AP2B1: variants seen among roughly 807,000 people sequenced by gnomAD.
AP2B1 encodes the protein AP-2 complex subunit beta.
A neutral mutation model predicts 102.0 loss-of-function variants in AP2B1; 23 were observed. That is an observed-to-expected ratio of 0.23 (90% confidence interval 0.16 to 0.32). The LOEUF (loss-of-function observed/expected upper bound fraction) is 0.32, where lower values mean the gene tolerates loss of function less well. Ranked by LOEUF, AP2B1 falls within the 10% of genes least tolerant of loss-of-function variation. The pLI is 1.00. For synonymous variants in AP2B1, 381 were observed against 421.2 expected, an observed-to-expected ratio of 0.90 and a Z score of 1.17; for missense variants, 541 against 1,157.4, an observed-to-expected ratio of 0.47 and a Z score of 7.73.
chr17:35,708,660 A>C (rs1024499955), intron 18 of AP2B1, among the ~76,000 whole-genome samples: 1 of 152,216 alleles, frequency 6.6e-6, no homozygotes, highest in African/African-American at 2.4e-5. Context: ...TTTAAAACTG[A>C]TATTTAAAAA....
chr17:35,707,390 ATCTGCCTGCCTTGGCC>A (rs1407433689), intron 18 of AP2B1, among the ~76,000 whole-genome samples: 1 of 149,902 alleles, frequency 6.7e-6, no homozygotes. Context: ...TGACCTCGTG[ATCTGCCTGCCTTGGCC>A]TCCCAAAGTG....
At chr17:35,658,263 C>CT (rs142619885) in intron 14 of AP2B1, among the ~76,000 whole-genome samples, 3,104 of 130,294 alleles carry the variant, frequency 0.024, 110 homozygotes, top group African/African-American at 0.082. Flanking sequence ...TTGAGGCAGC[C>CT]TTTTTTTTTC....
At chr17:35,702,229 T>C (rs1158144642) in intron 18 of AP2B1, among the ~76,000 whole-genome samples, 2 of 152,190 alleles carry the variant, frequency 1.3e-5, no homozygotes, top group Admixed American at 6.5e-5. Flanking sequence ...TGGAAAAATA[T>C]AAACTGGAGT....
chr17:35,718,258 A>C (rs1037513990), intron 21 of AP2B1, among the ~76,000 whole-genome samples: 2 of 151,826 alleles, frequency 1.3e-5, no homozygotes, highest in Admixed American at 1.3e-4. Context: ...TCCAGAACTG[A>C]AAATTCTTGG....
chr17:35,720,573 A>ATATATTT (rs1324333805), intron 21 of AP2B1, among the ~76,000 whole-genome samples: 26 of 28,064 alleles, frequency 9.3e-4, no homozygotes, highest in East Asian at 2.5e-3. Flanking sequence ...ATATATATAT[A>ATATATTT]TTTTTTTTTT....
chr17:35,702,916 T>C (rs1407249715), intron 18 of AP2B1, among the ~76,000 whole-genome samples: 2 of 152,238 alleles, frequency 1.3e-5, no homozygotes, highest in Non-Finnish European at 2.9e-5. Context: ...ACAACACTTA[T>C]ACACTATTGA....
chr17:35,672,568 C>A (rs1426737425), intron 16 of AP2B1, among the ~76,000 whole-genome samples: 1 of 152,148 alleles, frequency 6.6e-6, no homozygotes, highest in Non-Finnish European at 1.5e-5. Context: ...ATGGGGGATC[C>A]CTGCTATAGA....
chr17:35,619,305 T>C (rs913795241), intron 5 of AP2B1, among the ~76,000 whole-genome samples: 1 of 152,214 alleles, frequency 6.6e-6, no homozygotes, highest in Non-Finnish European at 1.5e-5. Flanking sequence ...TCTGTAAAAC[T>C]CATTCTATTA....
At chr17:35,682,917 G>A in intron 18 of AP2B1, 93 bp downstream of exon 18, 1 of 1,254,776 alleles carries the variant, frequency 8.0e-7, no homozygotes, top group Non-Finnish European at 1.1e-6. Flanking sequence ...TTACTCTGTT[G>A]CCCAGGCTGG....
At chr17:35,601,681 CTG>C (rs2073489381) in intron 3 of AP2B1, among the ~76,000 whole-genome samples, 1 of 152,162 alleles carries the variant, frequency 6.6e-6, no homozygotes, top group Non-Finnish European at 1.5e-5. Context: ...AGTTGCCTAT[CTG>C]TGATCTGTCT....
chr17:35,724,997 A>T lies in AP2B1; in HGVS notation c.*1298A>T, dbSNP rs1381149845. On this transcript the variant is annotated 3_prime_UTR_variant, in exon 22 of 22. Coordinates refer to ENST00000610402, the MANE Select transcript of AP2B1 (RefSeq NM_001030006.2). ...TGAGGCCAGCAGAATAGGTGCAGAGATGAAGTGAGCTTAGAGATGTTGCAA... is the reference window on the plus strand; with the variant it reads ...TGAGGCCAGCAGAATAGGTGCAGAGTTGAAGTGAGCTTAGAGATGTTGCAA... 1 of 152,172 alleles carries T rather than the reference A, an allele frequency of 6.6e-6. No homozygotes were observed. The highest frequency in any genetic ancestry group is 6.5e-5 in the Admixed American group (1 of 15,280). The allele number at this position is 152,172 out of a possible 1,614,324, so 9.4% of individuals were successfully genotyped here. A position where few individuals can be genotyped will look rare whatever the true frequency, so the allele number is the denominator to read the frequency against.
At chr17:35,714,994 A>G (rs1033174913) in intron 20 of AP2B1, among the ~76,000 whole-genome samples, 24 of 152,236 alleles carry the variant, frequency 1.6e-4, no homozygotes, top group African/African-American at 5.5e-4. Flanking sequence ...TCAGACCAGG[A>G]AGCCTCCTTA....
At chr17:35,610,408 A>G (rs539496355) in intron 5 of AP2B1, among the ~76,000 whole-genome samples, 1 of 152,092 alleles carries the variant, frequency 6.6e-6, no homozygotes, top group Admixed American at 6.5e-5. Flanking sequence ...TGACCTCCCA[A>G]AGTGCTGGGA....
At chr17:35,640,889 G>T (rs1436023284) in intron 11 of AP2B1, among the ~76,000 whole-genome samples, 2 of 152,174 alleles carry the variant, frequency 1.3e-5, no homozygotes, top group Non-Finnish European at 2.9e-5. Flanking sequence ...CTGTGGTGAG[G>T]TTTGAAAAGA....
intron 18 of AP2B1, among the ~76,000 whole-genome samples, chr17:35,694,551 G>A (rs1027771061): frequency 3.3e-5 from 5 of 151,438 alleles, no homozygotes; most frequent in South Asian, 2.1e-4. Context: ...ATGAGCCACC[G>A]CACCCAGCCT....
intron 17 of AP2B1, among the ~76,000 whole-genome samples, chr17:35,680,429 C>T (rs1239778081): frequency 6.6e-6 from 1 of 152,134 alleles, no homozygotes; most frequent in African/African-American, 2.4e-5. Flanking sequence ...TTGAGGCTCA[C>T]TGCAGCCTCA....
chr17:35,691,179 A>C (rs1236357149), intron 18 of AP2B1, among the ~76,000 whole-genome samples: 1 of 152,204 alleles, frequency 6.6e-6, no homozygotes, highest in Non-Finnish European at 1.5e-5. Context: ...TGCTGAAGAC[A>C]CTAGCTGCAA....
rs186795042 is a variant in AP2B1 at position 35,682,723 on chromosome 17, G to T, written c.2353G>T (p.Ala785Ser). 6.2e-7 allele frequency: 1 copy of T among 1,611,930 alleles called. No individual in the cohort carries two copies. Among genetic ancestry groups the T allele is most frequent in the Admixed American group, 1.7e-5 (1 of 59,908 alleles). ...TGGTGTCATCCCCAGCACTCCTCTGGCCATCCATACACCACTGATGCCAAA... is the reference window on the plus strand; with the variant it reads ...TGGTGTCATCCCCAGCACTCCTCTGTCCATCCATACACCACTGATGCCAAA... ...SFGVIPSTPLAIHTPLMPNQS... is the reference protein window; with the variant it reads ...SFGVIPSTPLSIHTPLMPNQS... Residue 785 changes from alanine (A) to serine (S), a missense_variant, in exon 18 of 22, where the codon GCC (alanine) becomes TCC (serine). Around this residue, in one of 10 missense-constraint regions of AP2B1, gnomAD observed 117 missense variants for 206.7 expected, o/e 0.57. Transcript: ENST00000610402.
chr17:35,642,279 C>T (rs2074803669), intron 12 of AP2B1, among the ~76,000 whole-genome samples: 1 of 143,682 alleles, frequency 7.0e-6, no homozygotes, highest in Non-Finnish European at 1.5e-5. Context: ...ACCTGCTTCA[C>T]TGTGACTTCA....
Sources: gnomAD v4.1 joint callset for allele counts (sites outside exome capture counted in the v4.1 genomes callset) on GRCh38, gnomAD v4.1.1 for gene constraint, gnomAD v4.1.1 regional missense constraint, MANE v1.5 for transcripts, NCBI Gene and HGNC (gene_info 2026-07-23, HGNC 2026-07-21) for gene names.